The following EXO5 variants were observed in gnomAD, a reference collection of about 807,000 sequenced individuals.
EXO5 encodes exonuclease 5.
A neutral mutation model predicts 17.8 loss-of-function variants in EXO5; 11 were observed. The ratio of observed to expected loss-of-function variants is 0.62; its 90% confidence interval spans 0.39 to 1.02. The LOEUF (loss-of-function observed/expected upper bound fraction) is 1.02. EXO5 is among the 50% of genes least tolerant of loss of function. The pLI is 0.00. For synonymous variants in EXO5, 147 were observed against 166.5 expected, an observed-to-expected ratio of 0.88 and a Z score of 0.90; for missense variants, 364 against 434.8, an observed-to-expected ratio of 0.84 and a Z score of 1.45.
At chr1:40,511,839 G>T (rs1645782950) in intron 3 of EXO5, among the ~76,000 whole-genome samples, 1 of 152,064 alleles carries the variant, frequency 6.6e-6, no homozygotes, top group African/African-American at 2.4e-5. Flanking sequence ...GGCTTAAAAA[G>T]AGTATCTTCA....
intron 3 of EXO5, among the ~76,000 whole-genome samples, chr1:40,511,884 CTTTTTTTT>C (rs57507753): frequency 6.9e-6 from 1 of 145,632 alleles, no homozygotes; most frequent in Non-Finnish European, 1.5e-5. Context: ...TTTCTTTTTT[CTTTTTTTT>C]TTTTGAGACG....
At position 40,515,235 on chromosome 1, in the gene EXO5, G is replaced by A; in HGVS notation, c.691G>A (p.Gly231Arg). 2 of 1,614,094 alleles carry A rather than the reference G, an allele frequency of 1.2e-6. No homozygotes were observed. The highest frequency in any genetic ancestry group is 2.2e-5 in the South Asian group (2 of 91,072). ...YKYIFDAMVQGKVTPASLIHH... is the reference protein window; with the variant it reads ...YKYIFDAMVQRKVTPASLIHH... ...ATATATCTTTGATGCCATGGTACAA[G>A]GAAAAGTGACCCCTGCTAGCCTAAT... The change falls in exon 4 of 4, where the codon GGA becomes AGA. Residue 231 changes from glycine to arginine, a missense_variant. Gly to Arg is a moderately radical substitution (Grantham distance 125). Coordinates refer to ENST00000415550, the MANE Select transcript of EXO5 (RefSeq NM_001346953.2).
rs1645882687 is a variant in EXO5 at position 40,515,833 on chromosome 1, A to G, written c.*167A>G. 8.9e-6 allele frequency: 6 copies of G among 674,606 alleles called. No homozygotes were observed. The highest frequency in any genetic ancestry group is 1.3e-5 in the Non-Finnish European group (5 of 397,198). The allele number at this position is 674,606 out of a possible 1,614,324, so 41.8% of individuals were successfully genotyped here. A position where few individuals can be genotyped will look rare whatever the true frequency, so the allele number is the denominator to read the frequency against. On this transcript the variant is annotated 3_prime_UTR_variant, in exon 4 of 4. Transcript: ENST00000415550. Reference sequence around the variant, plus strand: ...TTCAGTCCAGGACCAAGGCTCAGGGATGAGTGGGAGAGATGGGTTATACTG... The same window carrying G: ...TTCAGTCCAGGACCAAGGCTCAGGGGTGAGTGGGAGAGATGGGTTATACTG...
intron 3 of EXO5, among the ~76,000 whole-genome samples, chr1:40,510,807 A>G (rs956580764): frequency 2.6e-5 from 4 of 152,236 alleles, no homozygotes; most frequent in African/African-American, 7.2e-5. Context: ...GTAGCCACAT[A>G]TGGCTAGTGG....
In EXO5 at chr1:40,514,839, G is replaced by A. The variant is rs1285564755; in HGVS notation, c.295G>A (p.Gly99Arg). The change falls in exon 4 of 4, where the codon GGG (glycine) becomes AGG (arginine). Residue 99 changes from glycine to arginine, a missense_variant. Gly to Arg is a moderately radical substitution (Grantham distance 125). Coordinates refer to ENST00000415550, the MANE Select transcript of EXO5 (RefSeq NM_001346953.2). Reference sequence around the variant, plus strand: ...CTGGTGTGAACTGCAAACAGCATATGGGAAGGAGCTTCCTGGTTTCTTGGC... The same window carrying A: ...CTGGTGTGAACTGCAAACAGCATATAGGAAGGAGCTTCCTGGTTTCTTGGC... ...QNWCELQTAY[G>R]KELPGFLAPE... The A allele has an allele frequency of 1.2e-6, 2 of 1,614,170 alleles. No homozygotes were observed. Among genetic ancestry groups the A allele is most frequent in the East Asian group, 2.2e-5 (1 of 44,890 alleles).
At chr1:40,514,430 A>G in intron 3 of EXO5, 85 bp from the exon 4 acceptor site, 4 of 1,062,730 alleles carry the variant, frequency 3.8e-6, no homozygotes, top group African/African-American at 1.6e-5. Context: ...ATTTGTCATA[A>G]TTTTGTTTTT....
chr1:40,515,154 A>C lies in EXO5; in HGVS notation c.610A>C (p.Met204Leu). The change falls in exon 4 of 4, where the codon ATG becomes CTG. Residue 204 changes from methionine to leucine, a missense_variant. Physicochemically the swap from Met to Leu is conservative, Grantham distance 15 (BLOSUM62 2). Coordinates refer to ENST00000415550, the MANE Select transcript of EXO5 (RefSeq NM_001346953.2). ...LAELKTRRRPMLPLEAQKKKD... is the reference protein window; with the variant it reads ...LAELKTRRRPLLPLEAQKKKD... ...GGAACTCAAGACACGCAGGCGCCCTATGCTCCCTCTGGAAGCTCAGAAGAA... is the reference window on the plus strand; with the variant it reads ...GGAACTCAAGACACGCAGGCGCCCTCTGCTCCCTCTGGAAGCTCAGAAGAA... The C allele has an allele frequency of 6.2e-7, 1 of 1,614,060 alleles. No homozygotes were observed. Among genetic ancestry groups the C allele is most frequent in the Non-Finnish European group, 8.5e-7 (1 of 1,180,014 alleles).
rs755209175 is a variant in EXO5, at chr1:40,515,644, C to A, written c.1100C>A (p.Pro367His). The A allele has an allele frequency of 1.3e-5, 21 of 1,609,670 alleles. 1 individual carries two copies. In the South Asian group the frequency reaches 2.3e-4, roughly 18 times the overall value. ...GSGVLSSTLA[P>H]QVKKAK Reference sequence around the variant, plus strand: ...GGAGTGCTCAGCTCTACACTGGCGCCCCAAGTCAAAAAAGCCAAATGAATA... The same window carrying A: ...GGAGTGCTCAGCTCTACACTGGCGCACCAAGTCAAAAAAGCCAAATGAATA... Residue 367 changes from proline to histidine, a missense_variant, in exon 4 of 4, where the codon CCC (proline) becomes CAC (histidine). Transcript: ENST00000415550.
rs1291554797 is a variant in EXO5, at chr1:40,515,509, A to T, written c.965A>T (p.Tyr322Phe). The T allele has an allele frequency of 3.1e-6, 5 of 1,612,468 alleles. No homozygotes were observed. In the Admixed American group the frequency reaches 5.0e-5, roughly 16 times the overall value. The stretch of plus-strand genomic sequence containing the variant: ...GAGGTGAGAGCCAAGGTGCAGCATT[A>T]TATGGCCTACTGGATGGGCCACCGA... The part of the protein sequence containing the change: ...EKEVRAKVQH[Y>F]MAYWMGHREP... Residue 322 changes from tyrosine (Y) to phenylalanine (F), a missense_variant, in exon 4 of 4, where the codon TAT becomes TTT. By Grantham distance (22) the Tyr-to-Phe change is conservative (BLOSUM62 3). Transcript: ENST00000415550.
chr1:40,512,479 A>G (rs960436609), intron 3 of EXO5, among the ~76,000 whole-genome samples: 1 of 152,242 alleles, frequency 6.6e-6, no homozygotes, highest in Non-Finnish European at 1.5e-5. Context: ...AAAATAGTTC[A>G]GCCAAAACAA....
Position 40,508,919 on chromosome 1 carries a change from G to C in EXO5, c.-264+11G>C, listed in dbSNP as rs560818814. On this transcript the variant is annotated intron_variant, in intron 1 of 3. Transcript: ENST00000415550. This position sits in a 1 kb window ranked among gnomAD's most constrained non-coding sequence, Gnocchi z 4.2. ...GGAGGAGTATCAGAGGTTAGGGGAAGGCCGGAGAATGGGCTGGGAGGCTGC... is the reference window on the plus strand; with the variant it reads ...GGAGGAGTATCAGAGGTTAGGGGAACGCCGGAGAATGGGCTGGGAGGCTGC... 1.3e-5 allele frequency: 2 copies of C among 152,444 alleles called. No individual in the cohort carries two copies. The highest frequency in any genetic ancestry group is 3.9e-4 in the East Asian group (2 of 5,188). The allele number at this position is 152,444 out of a possible 1,614,324, so 9.4% of individuals were successfully genotyped here. A position where few individuals can be genotyped will look rare whatever the true frequency, so the allele number is the denominator to read the frequency against.
chr1:40,514,135 C>T (rs1488091638), intron 3 of EXO5, among the ~76,000 whole-genome samples: 1 of 151,798 alleles, frequency 6.6e-6, no homozygotes, highest in African/African-American at 2.4e-5. Context: ...AAAAAATTAG[C>T]CAGGCGTGGT....
chr1:40,511,755 C>G (rs940593646), intron 3 of EXO5, among the ~76,000 whole-genome samples: 8 of 152,174 alleles, frequency 5.3e-5, no homozygotes, highest in Non-Finnish European at 1.2e-4. Flanking sequence ...CACTCAAAGT[C>G]AAACACTAAT....
chr1:40,513,565 A>G (rs1159339640), intron 3 of EXO5, among the ~76,000 whole-genome samples: 1 of 151,784 alleles, frequency 6.6e-6, no homozygotes, highest in Non-Finnish European at 1.5e-5. Context: ...GAAGCAGAAA[A>G]GGCAAACCTC....
In EXO5 at chr1:40,515,372, C is replaced by T. The variant is rs912037516; in HGVS notation, c.828C>T (p.Phe276=). 4.3e-6 allele frequency: 7 copies of T among 1,614,024 alleles called. No homozygotes were observed. In the South Asian group the frequency reaches 7.7e-5, roughly 18 times the overall value. Residue 276 remains phenylalanine, a synonymous_variant, in exon 4 of 4, where the codon TTC becomes TTT. Coordinates refer to ENST00000415550, the MANE Select transcript of EXO5 (RefSeq NM_001346953.2). ...TGGGTGACCTCATGGAACTTGTCTTCTTGTCTCTAACACTGTCAGACCTCC... is the reference window on the plus strand; with the variant it reads ...TGGGTGACCTCATGGAACTTGTCTTTTTGTCTCTAACACTGTCAGACCTCC... ...KSLGDLMELV[F]LSLTLSDLPV...
chr1:40,515,432 C>T lies in EXO5; in HGVS notation c.888C>T (p.His296=). The change falls in exon 4 of 4, where the codon CAC becomes CAT. Residue 296 remains histidine, a synonymous_variant. Coordinates refer to ENST00000415550, the MANE Select transcript of EXO5 (RefSeq NM_001346953.2). ...VIDILKIEYI[H]QETATVLGTE... The stretch of plus-strand genomic sequence containing the variant: ...ATATCTTGAAGATTGAGTATATCCA[C>T]CAAGAGACTGCCACTGTGCTGGGTA... 2.5e-6 allele frequency: 4 copies of T among 1,613,946 alleles called. No individual in the cohort carries two copies. The highest frequency in any genetic ancestry group is 3.4e-6 in the Non-Finnish European group (4 of 1,180,004).
In EXO5 at chr1:40,514,555, CAA is replaced by C. The variant is rs749580296; in HGVS notation, c.12_13del (p.Glu6ArgfsTer16). 6 of 1,612,858 alleles carry C rather than the reference CAA, an allele frequency of 3.7e-6. No homozygotes were observed. In the East Asian group the frequency reaches 6.7e-5, roughly 18 times the overall value. ...ATCCAGAGCTGTACCATGGCAGAGACAAGAGAAGAGGAGACAGTGTCAGCAGA... is the reference window on the plus strand; with the variant it reads ...ATCCAGAGCTGTACCATGGCAGAGACGAGAAGAGGAGACAGTGTCAGCAGA... On this transcript the variant is annotated frameshift_variant, in exon 4 of 4. Transcript: ENST00000415550. LOFTEE classifies it high-confidence loss of function.
At chr1:40,510,099 T>G (rs1279722066) in intron 3 of EXO5, among the ~76,000 whole-genome samples, 1 of 152,226 alleles carries the variant, frequency 6.6e-6, no homozygotes, top group Non-Finnish European at 1.5e-5. Context: ...TCCCAGACTC[T>G]TGGCATTATG....
intron 3 of EXO5, among the ~76,000 whole-genome samples, chr1:40,511,018 G>A (rs953092899): frequency 2.0e-5 from 3 of 152,126 alleles, no homozygotes; most frequent in African/African-American, 7.2e-5. Flanking sequence ...GGTGCATCAC[G>A]AGGTCAGGAG....
Sources: allele counts gnomAD v4.1 joint callset (sites outside exome capture counted in the v4.1 genomes callset), GRCh38; gene constraint gnomAD v4.1.1; non-coding constraint Gnocchi (gnomAD v3.1); transcripts MANE v1.5; gene names NCBI Gene and HGNC (gene_info 2026-07-23, HGNC 2026-07-21).